The following PCNT variants were observed in gnomAD, a reference collection of about 807,000 sequenced individuals.
PCNT encodes pericentrin, also known as kendrin.
Under a neutral mutation model 380.4 loss-of-function variants are expected in PCNT, and 319 were observed. The observed-to-expected ratio is 0.84, with a 90% CI of 0.77 to 0.92. PCNT has a LOEUF of 0.92. Among genes scored for constraint, PCNT ranks in the 40% least tolerant of loss-of-function variants. The probability of loss-of-function intolerance (pLI) is 0.00; values close to 1 mark genes in which losing one functional copy is unlikely to be tolerated. For missense variants in PCNT, 4,400 were observed against 4,255.3 expected, an observed-to-expected ratio of 1.03 and a Z score of -0.95; for synonymous variants, 1,845 against 1,735.2, an observed-to-expected ratio of 1.06 and a Z score of -1.57.
chr21:46,349,205 C>T lies in PCNT; in HGVS notation c.1207+19C>T, dbSNP rs2084180469. The T allele has an allele frequency of 1.2e-6, 2 of 1,605,352 alleles. No homozygotes were observed. The highest frequency in any genetic ancestry group is 1.3e-5 in the African/African-American group (1 of 74,824). On this transcript the variant is annotated intron_variant, in intron 7 of 46. Transcript: ENST00000359568. The stretch of plus-strand genomic sequence containing the variant: ...GCTGAACGTAAGTAATGAAAATGAG[C>T]AAGTTTGGAGTGGGACTGAATTTTC...
rs771440928 is a variant in PCNT at position 46,324,224 on chromosome 21, G to C, written c.-5G>C. 7 of 1,610,936 alleles carry C rather than the reference G, an allele frequency of 4.3e-6. No individual in the cohort carries two copies. Among genetic ancestry groups the C allele is most frequent in the Non-Finnish European group, 5.9e-6 (7 of 1,178,604 alleles). On this transcript the variant is annotated 5_prime_UTR_variant, in exon 1 of 47. Transcript: ENST00000359568. ...GCCGGGCGGCCCGCGCGGAGTCTGAGGGAGATGGAAGTTGAGCAAGAGCAG... is the reference window on the plus strand; with the variant it reads ...GCCGGGCGGCCCGCGCGGAGTCTGACGGAGATGGAAGTTGAGCAAGAGCAG...
intron 15 of PCNT, among the ~76,000 whole-genome samples, chr21:46,368,982 C>T (rs2085025933): frequency 1.3e-5 from 2 of 152,380 alleles, no homozygotes; most frequent in South Asian, 4.1e-4. Context: ...TTATTGTTTG[C>T]TTTCCTTCAG....
chr21:46,407,156 A>G (rs1209448481), intron 27 of PCNT, among the ~76,000 whole-genome samples: 1 of 152,142 alleles, frequency 6.6e-6, no homozygotes, highest in Admixed American at 6.6e-5. Context: ...GAATGTTTTC[A>G]TAGCATCAAC....
rs749174181 is a variant in PCNT at position 46,411,597 on chromosome 21, G to GTAGCCCTCAGGGAGGCTGA, written c.5525_5543dup (p.Glu1848AspfsTer7). On this transcript the variant is annotated frameshift_variant, in exon 28 of 47. Transcript: ENST00000359568. LOFTEE classifies it high-confidence loss of function. ...ACAGCTGGCTGAGCTGGAGCGCAAT[G>GTAGCCCTCAGGGAGGCTGA]TAGCCCTCAGGGAGGCTGAGGTCGA... 2 of 1,613,054 alleles carry GTAGCCCTCAGGGAGGCTGA rather than the reference G, an allele frequency of 1.2e-6. No individual in the cohort carries two copies. The highest frequency in any genetic ancestry group is 3.3e-5 in the Admixed American group (2 of 60,032).
intron 4 of PCNT, 170 bp from the exon 5 acceptor site, chr21:46,346,573 T>A (rs1477462163): frequency 1.3e-6 from 1 of 785,310 alleles, no homozygotes; most frequent in Admixed American, 2.2e-5. Flanking sequence ...AGGAGCTGGG[T>A]GGCATCTCAG....
chr21:46,391,337 G>A lies in PCNT; in HGVS notation c.4177G>A (p.Gly1393Arg), dbSNP rs753662756. 5 of 1,556,722 alleles carry A rather than the reference G, an allele frequency of 3.2e-6. No homozygotes were observed. The African/African-American group carries it at 4.1e-5, about 13-fold the overall frequency. The change falls in exon 21 of 47, where the codon GGG (glycine) becomes AGG (arginine). Residue 1393 changes from glycine to arginine, a missense_variant. Coordinates refer to ENST00000359568, the MANE Select transcript of PCNT (RefSeq NM_006031.6). ...GGAGTGCACCCGTCTGTGGAGTCGGGGGGAGGCCACAGCCACGGACGCCGA... is the reference window on the plus strand; with the variant it reads ...GGAGTGCACCCGTCTGTGGAGTCGGAGGGAGGCCACAGCCACGGACGCCGA... ...REECTRLWSR[G>R]EATATDAEAR...
At chr21:46,352,215 G>A (rs988165181) in intron 9 of PCNT, among the ~76,000 whole-genome samples, 1 of 152,264 alleles carries the variant, frequency 6.6e-6, no homozygotes, top group Admixed American at 6.5e-5. Context: ...GTCCTTGTGG[G>A]TGGTGGGATT....
In PCNT at chr21:46,357,127, T is replaced by C. The variant is rs1439501902; in HGVS notation, c.2090T>C (p.Ile697Thr). The change falls in exon 13 of 47, where the codon ATA becomes ACA. Residue 697 changes from isoleucine to threonine, a missense_variant. Coordinates refer to ENST00000359568, the MANE Select transcript of PCNT (RefSeq NM_006031.6). ...AAAGAAGAAATTGAACTCCTAAAAA[T>C]AGAAAATAGAAATTTGTATGGGAAG... ...ELKEEIELLK[I>T]ENRNLYGKLQ... The C allele has an allele frequency of 1.2e-6, 2 of 1,613,984 alleles. No individual in the cohort carries two copies. The highest frequency in any genetic ancestry group is 1.1e-5 in the South Asian group (1 of 91,086).
At chr21:46,416,897 C>A (rs1159562152) in intron 30 of PCNT, 58 bp downstream of exon 30, 35 of 1,540,356 alleles carry the variant, frequency 2.3e-5, no homozygotes, top group Non-Finnish European at 2.9e-5. Context: ...GTCTGCCCGG[C>A]GCCACGGCAG....
chr21:46,438,332 C>G lies in PCNT; in HGVS notation c.9268C>G (p.Pro3090Ala). The G allele has an allele frequency of 1.2e-6, 2 of 1,613,642 alleles. No homozygotes were observed. Among genetic ancestry groups the G allele is most frequent in the South Asian group, 1.1e-5 (1 of 91,072 alleles). ...LKHHLQKGCSPSRSERSAWKP... is the reference protein window; with the variant it reads ...LKHHLQKGCSASRSERSAWKP... ...GCACCATCTGCAGAAGGGCTGCAGC[C>G]CAAGCGTAGGTGTCTGTGCTTAACT... The change falls in exon 41 of 47, where the codon CCA (proline) becomes GCA (alanine). Residue 3090 changes from proline to alanine, a missense_variant. Coordinates refer to ENST00000359568, the MANE Select transcript of PCNT (RefSeq NM_006031.6).
chr21:46,325,285 G>C, intron 1 of PCNT: 1 of 831,058 alleles, frequency 1.2e-6, no homozygotes, highest in Non-Finnish European at 1.5e-6. Context: ...ACGGCGGACA[G>C]GGGACGCGGG....
intron 27 of PCNT, among the ~76,000 whole-genome samples, chr21:46,410,644 G>A (rs571162726): frequency 1.3e-5 from 2 of 152,198 alleles, no homozygotes; most frequent in African/African-American, 4.8e-5. Context: ...TGAGGATTAT[G>A]TTTCATGGCA....
chr21:46,377,535 T>C (rs1037604492), intron 15 of PCNT, among the ~76,000 whole-genome samples: 2 of 152,178 alleles, frequency 1.3e-5, no homozygotes, highest in Admixed American at 6.5e-5. Context: ...TCATCACTTA[T>C]CTTAGAGCTG....
chr21:46,352,210 T>C (rs956762266), intron 9 of PCNT, among the ~76,000 whole-genome samples: 1 of 152,150 alleles, frequency 6.6e-6, no homozygotes, highest in Non-Finnish European at 1.5e-5. Flanking sequence ...AACTTGTCCT[T>C]GTGGGTGGTG....
chr21:46,445,352 C>A lies in PCNT; in HGVS notation c.*25C>A. 1 of 1,563,648 alleles carries A rather than the reference C, an allele frequency of 6.4e-7. No individual in the cohort carries two copies. The highest frequency in any genetic ancestry group is 8.8e-7 in the Non-Finnish European group (1 of 1,133,840). Reference sequence around the variant, plus strand: ...AATAAAATGTCATGGCTCTTTCCTGCGACAATTCTATTTGAGGAAAAGATT... The same window carrying A: ...AATAAAATGTCATGGCTCTTTCCTGAGACAATTCTATTTGAGGAAAAGATT... On this transcript the variant is annotated 3_prime_UTR_variant, in exon 47 of 47. Coordinates refer to ENST00000359568, the MANE Select transcript of PCNT (RefSeq NM_006031.6).
intron 15 of PCNT, among the ~76,000 whole-genome samples, chr21:46,372,226 GCA>G (rs150993480): frequency 2.0e-5 from 3 of 148,692 alleles, no homozygotes; most frequent in Non-Finnish European, 3.0e-5. Context: ...CAGCACATGT[GCA>G]CACACAGCAC....
rs749897159 is a variant in PCNT at position 46,416,267 on chromosome 21, G to A, written c.6349G>A (p.Gly2117Arg). 22 of 1,614,140 alleles carry A rather than the reference G, an allele frequency of 1.4e-5. No individual in the cohort carries two copies. The highest frequency in any genetic ancestry group is 3.3e-5 in the Admixed American group (2 of 60,006). Reference protein sequence around the residue: ...ESSWSDDSCDGEEPDISPHID... With the variant: ...ESSWSDDSCDREEPDISPHID... ...CAGCTGGAGTGATGATTCCTGTGAC[G>A]GAGAAGAGCCTGACATATCACCCCA... is the stretch of plus-strand genomic sequence containing the variant. The change falls in exon 30 of 47, where the codon GGA becomes AGA. Residue 2117 changes from glycine to arginine, a missense_variant. Physicochemically the swap from Gly to Arg is moderately radical, Grantham distance 125. Transcript: ENST00000359568.
At position 46,398,009 on chromosome 21, in the gene PCNT, C is replaced by G; in HGVS notation, c.4447-5C>G. On this transcript the variant is annotated splice_region_variant and splice_polypyrimidine_tract_variant and intron_variant, in intron 22 of 46. Coordinates refer to ENST00000359568, the MANE Select transcript of PCNT (RefSeq NM_006031.6). ...GTGGTCCCAACACGCTGCCTCTCCTCCCAGGAGCAGGCAGCCGAGCGGGAG... is the reference window on the plus strand; with the variant it reads ...GTGGTCCCAACACGCTGCCTCTCCTGCCAGGAGCAGGCAGCCGAGCGGGAG... The G allele has an allele frequency of 6.3e-7, 1 of 1,575,892 alleles. No homozygotes were observed. The highest frequency in any genetic ancestry group is 2.3e-5 in the East Asian group (1 of 43,088).
chr21:46,423,274 T>G (rs2087334380), intron 32 of PCNT, among the ~76,000 whole-genome samples: 1 of 150,566 alleles, frequency 6.6e-6, no homozygotes, highest in South Asian at 2.1e-4. Flanking sequence ...CACTGCAACC[T>G]CTGCCTCCTG....
Sources: gnomAD v4.1 joint callset for allele counts (sites outside exome capture counted in the v4.1 genomes callset) on GRCh38, gnomAD v4.1.1 for gene constraint, MANE v1.5 for transcripts, NCBI Gene and HGNC (gene_info 2026-07-23, HGNC 2026-07-21) for gene names.